The following APLP2 variants were observed in gnomAD, a reference collection of about 807,000 sequenced individuals.
The protein encoded by APLP2 is CDEI box-binding protein.
Under a neutral mutation model 89.9 loss-of-function variants are expected in APLP2, and 53 were observed. The observed-to-expected ratio is 0.59, with a 90% CI of 0.47 to 0.74. The LOEUF (loss-of-function observed/expected upper bound fraction) is 0.74. Among genes scored for constraint, APLP2 ranks in the 30% least tolerant of loss-of-function variants. APLP2 has a pLI of 0.00. For missense variants in APLP2, 973 were observed against 975.9 expected, an observed-to-expected ratio of 1.00 and a Z score of 0.04; for synonymous variants, 372 against 348.6, an observed-to-expected ratio of 1.07 and a Z score of -0.75.
intron 13 of APLP2, among the ~76,000 whole-genome samples, chr11:130,136,407 C>G (rs1951609883): frequency 6.6e-6 from 1 of 152,196 alleles, no homozygotes; most frequent in Non-Finnish European, 1.5e-5. Flanking sequence ...TCTCCATCCT[C>G]ACAGTAACCC....
intron 1 of APLP2, chr11:130,100,459 T>TA (rs139962708): frequency 4.0e-5 from 6 of 151,220 alleles, no homozygotes. Context: ...GTTTTTTTTT[T>TA]ACATGAAAGT....
intron 1 of APLP2, among the ~76,000 whole-genome samples, chr11:130,098,656 A>G (rs1425984637): frequency 6.6e-6 from 1 of 152,228 alleles, no homozygotes; most frequent in Non-Finnish European, 1.5e-5. Context: ...GGTCAGAAAA[A>G]TGGAATATTT....
At chr11:130,091,034 G>GC in intron 1 of APLP2, among the ~76,000 whole-genome samples, 1 of 148,804 alleles carries the variant, frequency 6.7e-6, no homozygotes, top group African/African-American at 2.5e-5. Context: ...GGCTGGCCGG[G>GC]CGGGGGGCCG....
At chr11:130,074,380 T>C (rs12421855) in intron 1 of APLP2, among the ~76,000 whole-genome samples, 17,016 of 152,080 alleles carry the variant, frequency 0.11, 1,225 homozygotes, top group East Asian at 0.25. Flanking sequence ...CATGCCTGGC[T>C]CATTTTTATA....
intron 1 of APLP2, among the ~76,000 whole-genome samples, chr11:130,091,245 C>T (rs71415861): frequency 3.1e-3 from 222 of 72,502 alleles, no homozygotes; most frequent in Admixed American, 5.7e-3. Context: ...CCCTCCCGCA[C>T]GGGGCGGCTG....
At chr11:130,079,645 A>C (rs985512747) in intron 1 of APLP2, among the ~76,000 whole-genome samples, 1 of 152,178 alleles carries the variant, frequency 6.6e-6, no homozygotes, top group African/African-American at 2.4e-5. Flanking sequence ...AATTATAATA[A>C]TTTATCTGTA....
At chr11:130,107,739 A>G (rs191701064) in intron 1 of APLP2, among the ~76,000 whole-genome samples, 18 of 152,228 alleles carry the variant, frequency 1.2e-4, no homozygotes. Flanking sequence ...GGAACCAAAA[A>G]AGAGCCCGCG....
intron 12 of APLP2, among the ~76,000 whole-genome samples, chr11:130,134,254 G>A (rs942555858): frequency 6.6e-6 from 1 of 152,226 alleles, no homozygotes; most frequent in Non-Finnish European, 1.5e-5. Context: ...CTGGTGATAG[G>A]TGCTGTGCAG....
intron 10 of APLP2, 54 bp downstream of exon 10, chr11:130,129,260 A>G (rs879618354): frequency 6.5e-7 from 1 of 1,542,228 alleles, no homozygotes; most frequent in Non-Finnish European, 8.8e-7. Context: ...TAGGGGACCA[A>G]TGTATGACAC....
At chr11:130,135,397 C>T (rs565675745) in intron 12 of APLP2, among the ~76,000 whole-genome samples, 166 bp from the exon 13 acceptor site, 3 of 152,204 alleles carry the variant, frequency 2.0e-5, no homozygotes, top group Non-Finnish European at 4.4e-5. Flanking sequence ...TGGGACGGCG[C>T]CCTGGGGTCC....
intron 3 of APLP2, 90 bp from the exon 4 acceptor site, chr11:130,120,616 T>A: frequency 1.1e-6 from 1 of 883,856 alleles, no homozygotes. Context: ...TGCTCCTGGC[T>A]GTGTAGACTA....
intron 1 of APLP2, among the ~76,000 whole-genome samples, chr11:130,095,514 G>T (rs548672419): frequency 1.3e-5 from 2 of 152,354 alleles, no homozygotes; most frequent in South Asian, 4.1e-4. Flanking sequence ...AAAACATGTT[G>T]TGTAGAAATG....
At chr11:130,142,775 A>AG (rs746332462) in intron 16 of APLP2, among the ~76,000 whole-genome samples, 39 of 152,010 alleles carry the variant, frequency 2.6e-4, no homozygotes, top group Non-Finnish European at 5.1e-4. Context: ...CACCACGCCC[A>AG]GCTAGTCTTT....
At chr11:130,109,187 TTAAAA>T (rs1337124125) in intron 1 of APLP2, 14 of 257,436 alleles carry the variant, frequency 5.4e-5, no homozygotes, top group South Asian at 1.1e-4. Flanking sequence ...TCCCTAGAAC[TTAAAA>T]TATAATAAAT....
At chr11:130,116,925 T>A (rs1479556439) in intron 3 of APLP2, among the ~76,000 whole-genome samples, 1 of 151,400 alleles carries the variant, frequency 6.6e-6, no homozygotes, top group Non-Finnish European at 1.5e-5. Flanking sequence ...AGATCAGGAG[T>A]TCAAGACCAG....
intron 13 of APLP2, chr11:130,137,276 C>T: frequency 2.5e-6 from 4 of 1,613,898 alleles, no homozygotes; most frequent in Non-Finnish European, 3.4e-6. Flanking sequence ...GGAGTTGTAC[C>T]ACCCAATGAA....
intron 7 of APLP2, among the ~76,000 whole-genome samples, chr11:130,125,105 G>C (rs1314456622): frequency 6.6e-6 from 1 of 152,210 alleles, no homozygotes; most frequent in Non-Finnish European, 1.5e-5. Flanking sequence ...TTTGCAGGTT[G>C]AGAAGCATCA....
chr11:130,120,641 A>T, intron 3 of APLP2, 65 bp from the exon 4 acceptor site: 2 of 1,169,228 alleles, frequency 1.7e-6, no homozygotes, highest in Non-Finnish European at 2.6e-6. Flanking sequence ...CATAAACTTC[A>T]GTGAGGGGCA....
intron 1 of APLP2, among the ~76,000 whole-genome samples, chr11:130,087,323 C>T (rs1485673186): frequency 6.6e-6 from 1 of 152,150 alleles, no homozygotes; most frequent in African/African-American, 2.4e-5. Flanking sequence ...ACCATTTGAC[C>T]TTCCTTGTGT....
Sources: gnomAD v4.1 joint callset for allele counts (sites outside exome capture counted in the v4.1 genomes callset) on GRCh38, gnomAD v4.1.1 for gene constraint, MANE v1.5 for transcripts, NCBI Gene and HGNC (gene_info 2026-07-23, HGNC 2026-07-21) for gene names.